Variants in STAG1 observed in about 807,000 individuals in gnomAD.
The protein encoded by STAG1 is cohesin subunit SA-1.
Under a neutral mutation model 170.9 loss-of-function variants are expected in STAG1, and 26 were observed. That is an observed-to-expected ratio of 0.15 (90% CI 0.11 to 0.21). STAG1 has a LOEUF of 0.21. STAG1 is among the 10% of genes least tolerant of loss of function. The probability of loss-of-function intolerance (pLI) is 1.00; values close to 1 mark genes in which losing one functional copy is unlikely to be tolerated. For synonymous variants in STAG1, 514 were observed against 497.7 expected, an observed-to-expected ratio of 1.03 and a Z score of -0.44; for missense variants, 964 against 1,509.5, an observed-to-expected ratio of 0.64 and a Z score of 5.99.
intron 14 of STAG1, among the ~76,000 whole-genome samples, chr3:136,444,370 G>A (rs185681722): frequency 1.1e-4 from 17 of 152,272 alleles, no homozygotes; most frequent in Non-Finnish European, 4.4e-5. Context: ...CACCATGCTG[G>A]GCCCTGAGAA....
chr3:136,671,302 C>T (rs1002051140), intron 1 of STAG1, among the ~76,000 whole-genome samples: 2 of 151,776 alleles, frequency 1.3e-5, no homozygotes, highest in Non-Finnish European at 2.9e-5. Context: ...AAAGAAAGCA[C>T]ACACACACAC....
chr3:136,660,337 T>C (rs1209240618), intron 1 of STAG1, among the ~76,000 whole-genome samples: 1 of 152,224 alleles, frequency 6.6e-6, no homozygotes, highest in Non-Finnish European at 1.5e-5. Flanking sequence ...CTGTTACTTT[T>C]AACGTATGGC....
chr3:136,729,129 T>C (rs1477191075), intron 1 of STAG1, among the ~76,000 whole-genome samples: 1 of 152,102 alleles, frequency 6.6e-6, no homozygotes, highest in Non-Finnish European at 1.5e-5. Context: ...CACATATGCA[T>C]GCCATCGTGC....
intron 4 of STAG1, among the ~76,000 whole-genome samples, chr3:136,595,905 T>C (rs1360748427): frequency 6.6e-6 from 1 of 152,072 alleles, no homozygotes; most frequent in Non-Finnish European, 1.5e-5. Context: ...TTACAAAAAG[T>C]ATTCAATGGT....
intron 15 of STAG1, among the ~76,000 whole-genome samples, chr3:136,440,531 C>T (rs906121741): frequency 1.3e-5 from 2 of 151,900 alleles, no homozygotes; most frequent in Admixed American, 6.6e-5. Context: ...GAAGGAGAAG[C>T]TCTACCTTAC....
At chr3:136,449,273 A>G (rs954239555) in intron 14 of STAG1, among the ~76,000 whole-genome samples, 1 of 152,104 alleles carries the variant, frequency 6.6e-6, no homozygotes, top group African/African-American at 2.4e-5. Flanking sequence ...GAAAAATGCA[A>G]TACAGGGCCA....
rs1022115505 is a variant in STAG1 at position 136,519,330 on chromosome 3, A to G, written c.676+1883T>C. Among the ~76,000 whole-genome samples, 3 of 152,258 alleles carry G rather than the reference A, an allele frequency of 2.0e-5. No homozygotes were observed. In the South Asian group the frequency reaches 6.2e-4, roughly 32 times the overall value. On this transcript the variant is annotated intron_variant, in intron 7 of 33. Transcript: ENST00000383202. The stretch of plus-strand genomic sequence containing the variant: ...ACAGAGAAGCCAAAGGTTGTGCTCT[A>G]TCTTGAGAACTGTAAACTAATTTTT...
intron 3 of STAG1, among the ~76,000 whole-genome samples, chr3:136,614,405 G>T (rs1368805184): frequency 1.3e-5 from 2 of 152,098 alleles, no homozygotes; most frequent in African/African-American, 4.8e-5. Context: ...ATTACTGCAG[G>T]TAATTCAAGG....
chr3:136,696,408 G>A (rs907016621), intron 1 of STAG1, among the ~76,000 whole-genome samples: 1 of 152,148 alleles, frequency 6.6e-6, no homozygotes, highest in Admixed American at 6.5e-5. Flanking sequence ...TTTCATAAGA[G>A]CATGGAGGAT....
intron 4 of STAG1, among the ~76,000 whole-genome samples, chr3:136,570,584 A>G (rs1937236092): frequency 6.6e-6 from 1 of 152,234 alleles, no homozygotes; most frequent in African/African-American, 2.4e-5. Flanking sequence ...CACACGCATC[A>G]AGGCTTAGTA....
At chr3:136,464,726 G>A (rs997545617) in intron 13 of STAG1, among the ~76,000 whole-genome samples, 155 bp downstream of exon 13, 1 of 152,196 alleles carries the variant, frequency 6.6e-6, no homozygotes, top group East Asian at 1.9e-4. Context: ...GATTCACCAT[G>A]TATACATAGG....
At chr3:136,641,446 T>G (rs1411803245) in intron 1 of STAG1, among the ~76,000 whole-genome samples, 1 of 152,192 alleles carries the variant, frequency 6.6e-6, no homozygotes, top group Non-Finnish European at 1.5e-5. Context: ...CAGTTAACAC[T>G]GCTAATAGTG....
chr3:136,471,872 A>G (rs752381558), intron 12 of STAG1, among the ~76,000 whole-genome samples: 5 of 152,090 alleles, frequency 3.3e-5, no homozygotes, highest in African/African-American at 4.8e-5. Context: ...GGGTCCTGCT[A>G]TATCACCTAT....
intron 5 of STAG1, among the ~76,000 whole-genome samples, chr3:136,566,284 C>T (rs1293177434): frequency 2.6e-5 from 4 of 152,146 alleles, no homozygotes; most frequent in Non-Finnish European, 4.4e-5. Flanking sequence ...ACGCTCTCAA[C>T]CCTCTTTTTG....
In STAG1 at chr3:136,680,255, T is replaced by C. The variant is rs951495728; in HGVS notation, c.-83-49274A>G. On this transcript the variant is annotated intron_variant, in intron 1 of 33. Coordinates refer to ENST00000383202, the MANE Select transcript of STAG1 (RefSeq NM_005862.3). ...CAACCTGGGCATCAGAGCGAGACCC[T>C]GTCTCAAATAAAAAAAGAAAATAAT... Among the ~76,000 whole-genome samples the C allele has an allele frequency of 5.9e-5, 9 of 152,152 alleles. No homozygotes were observed. The South Asian group carries it at 6.2e-4, about 11-fold the overall frequency.
chr3:136,553,227 C>T (rs1936476670), intron 5 of STAG1, among the ~76,000 whole-genome samples: 1 of 151,790 alleles, frequency 6.6e-6, no homozygotes, highest in African/African-American at 2.4e-5. Flanking sequence ...TAAAAGAACT[C>T]GAATTTGGGG....
rs1442313430 is a variant in STAG1, at chr3:136,473,536, T to C, written c.1125+3A>G. 1 of 1,592,692 alleles carries C rather than the reference T, an allele frequency of 6.3e-7. No homozygotes were observed. The highest frequency in any genetic ancestry group is 8.6e-7 in the Non-Finnish European group (1 of 1,164,296). ...AAATAAGCTTATCATTCTTGATGCT[T>C]ACCTTGAATCGGTTAGTGAATAGTT... On this transcript the variant is annotated splice_donor_region_variant and intron_variant, in intron 11 of 33. Coordinates refer to ENST00000383202, the MANE Select transcript of STAG1 (RefSeq NM_005862.3).
chr3:136,513,810 AAG>A (rs1463886836), intron 7 of STAG1, among the ~76,000 whole-genome samples: 1 of 152,192 alleles, frequency 6.6e-6, no homozygotes, highest in Non-Finnish European at 1.5e-5. Context: ...AGAACAAATT[AAG>A]AAAGAAAGAA....
At chr3:136,433,763 T>C in intron 15 of STAG1, 104 bp from the exon 16 acceptor site, 1 of 781,762 alleles carries the variant, frequency 1.3e-6, no homozygotes, top group Non-Finnish European at 2.1e-6. Flanking sequence ...CTATTACTGC[T>C]TATTTTAAAG....
Sources: allele counts gnomAD v4.1 joint callset (sites outside exome capture counted in the v4.1 genomes callset), GRCh38; gene constraint gnomAD v4.1.1; transcripts MANE v1.5; gene names NCBI Gene and HGNC (gene_info 2026-07-23, HGNC 2026-07-21).